The following NDST3 variants were observed in gnomAD, a reference collection of about 807,000 sequenced individuals.
NDST3 encodes N-deacetylase and N-sulfotransferase 3, also known as bifunctional heparan sulfate N-deacetylase/N-sulfotransferase 3.
Under a neutral mutation model 96.1 loss-of-function variants are expected in NDST3, and 58 were observed. The ratio of observed to expected loss-of-function variants is 0.60; its 90% CI spans 0.49 to 0.75. The LOEUF (loss-of-function observed/expected upper bound fraction) is 0.75. Among genes scored for constraint, NDST3 ranks in the 30% least tolerant of loss-of-function variants. The pLI is 0.00. For missense variants in NDST3, 788 were observed against 1,034.2 expected (o/e 0.76, Z 3.27); for synonymous variants, 333 against 359.7 (o/e 0.93, Z 0.84).
chr4:118,197,006 C>T (rs748134866), intron 6 of NDST3, among the ~76,000 whole-genome samples: 3 of 150,662 alleles, frequency 2.0e-5, no homozygotes, highest in Non-Finnish European at 4.4e-5. Context: ...ACTGCTTTTG[C>T]TGTATTCCAT....
chr4:118,202,275 A>C (rs1738141201), intron 6 of NDST3, among the ~76,000 whole-genome samples: 2 of 152,188 alleles, frequency 1.3e-5, no homozygotes, highest in East Asian at 3.9e-4. Context: ...CTCTGGCTTC[A>C]TTCTTTTGCT....
At chr4:118,174,516 T>C (rs190704087) in intron 6 of NDST3, among the ~76,000 whole-genome samples, 4 of 152,254 alleles carry the variant, frequency 2.6e-5, no homozygotes, top group Non-Finnish European at 4.4e-5. Context: ...GTGAACTAAC[T>C]ATCATTGTAC....
At chr4:118,255,499 T>C (rs1474791347) in intron 13 of NDST3, 94 bp from the exon 14 acceptor site, 2 of 1,264,606 alleles carry the variant, frequency 1.6e-6, no homozygotes, top group Non-Finnish European at 2.2e-6. Context: ...TTAATCCAGA[T>C]CTGGTATACT....
At chr4:118,213,965 T>C (rs71608352) in intron 6 of NDST3, among the ~76,000 whole-genome samples, 7,864 of 152,180 alleles carry the variant, frequency 0.052, 290 homozygotes, top group Non-Finnish European at 0.083. Flanking sequence ...ACTGTAGATA[T>C]AATAAAGAGT....
At chr4:118,091,922 G>A (rs915592359) in intron 2 of NDST3, among the ~76,000 whole-genome samples, 2 of 151,198 alleles carry the variant, frequency 1.3e-5, no homozygotes, top group African/African-American at 4.9e-5. Context: ...TACTTATGAT[G>A]ACTTTAAATC....
intron 1 of NDST3, among the ~76,000 whole-genome samples, chr4:118,043,007 T>G (rs1247830059): frequency 6.6e-6 from 1 of 152,234 alleles, no homozygotes; most frequent in African/African-American, 2.4e-5. Context: ...GAGTCCATTA[T>G]CTAGGGGAAA....
chr4:118,189,845 T>C (rs764884934), intron 6 of NDST3, among the ~76,000 whole-genome samples: 3 of 152,172 alleles, frequency 2.0e-5, no homozygotes, highest in Admixed American at 6.5e-5. Context: ...GTATTATCAA[T>C]GCTAAAGCTA....
At chr4:118,094,105 C>G (rs149860105) in intron 2 of NDST3, among the ~76,000 whole-genome samples, 17 of 151,982 alleles carry the variant, frequency 1.1e-4, no homozygotes, top group African/African-American at 3.6e-4. Context: ...TACTACCACA[C>G]TGGCAATTAA....
intron 2 of NDST3, among the ~76,000 whole-genome samples, chr4:118,098,446 A>G (rs1381740719): frequency 6.6e-6 from 1 of 152,006 alleles, no homozygotes; most frequent in East Asian, 1.9e-4. Flanking sequence ...TAGCATATGC[A>G]TAACAATTTC....
intron 8 of NDST3, among the ~76,000 whole-genome samples, chr4:118,230,255 C>T (rs949911805): frequency 3.3e-5 from 5 of 152,230 alleles, no homozygotes; most frequent in Middle Eastern, 3.4e-3. Flanking sequence ...GCCAGAGCAG[C>T]AACATAAGCA....
At chr4:118,190,368 G>C (rs1463329517) in intron 6 of NDST3, among the ~76,000 whole-genome samples, 2 of 152,118 alleles carry the variant, frequency 1.3e-5, no homozygotes, top group Non-Finnish European at 2.9e-5. Context: ...TGTTTAATAA[G>C]TAATATTTCA....
At chr4:118,096,708 T>TAGAC (rs1400292803) in intron 2 of NDST3, among the ~76,000 whole-genome samples, 2,043 of 145,342 alleles carry the variant, frequency 0.014, 34 homozygotes, top group South Asian at 0.023. Flanking sequence ...GATAGATAGA[T>TAGAC]AGACAGTTAG....
At chr4:118,134,143 G>A (rs1732877098) in intron 4 of NDST3, among the ~76,000 whole-genome samples, 1 of 152,178 alleles carries the variant, frequency 6.6e-6, no homozygotes, top group African/African-American at 2.4e-5. Context: ...ATTTGGAGTA[G>A]AAACATTTCA....
intron 6 of NDST3, chr4:118,193,869 T>A: frequency 9.0e-7 from 1 of 1,113,116 alleles, no homozygotes; most frequent in Non-Finnish European, 1.3e-6. Context: ...TTGGAAAAAC[T>A]AGACTCATAT....
intron 12 of NDST3, among the ~76,000 whole-genome samples, chr4:118,250,530 G>A (rs982943281): frequency 2.0e-5 from 3 of 151,340 alleles, no homozygotes; most frequent in Non-Finnish European, 4.4e-5. Context: ...TGTTGCCCAG[G>A]CTGGAGTGCA....
chr4:118,183,010 C>T (rs1387821197), intron 6 of NDST3, among the ~76,000 whole-genome samples: 1 of 152,146 alleles, frequency 6.6e-6, no homozygotes, highest in African/African-American at 2.4e-5. Flanking sequence ...TAAGACTACT[C>T]ATACCAAACA....
intron 6 of NDST3, among the ~76,000 whole-genome samples, chr4:118,170,721 C>T (rs1302599420): frequency 1.3e-5 from 2 of 151,498 alleles, no homozygotes; most frequent in Admixed American, 6.6e-5. Flanking sequence ...AGAGTGAGAC[C>T]CCATCTCAAA....
intron 2 of NDST3, among the ~76,000 whole-genome samples, chr4:118,085,211 A>T (rs1197598492): frequency 6.6e-6 from 1 of 152,174 alleles, no homozygotes; most frequent in Non-Finnish European, 1.5e-5. Flanking sequence ...TAAGTTTTGT[A>T]TCTCCTAAAA....
At chr4:118,099,358 A>G (rs1729592846) in intron 2 of NDST3, among the ~76,000 whole-genome samples, 1 of 152,078 alleles carries the variant, frequency 6.6e-6, no homozygotes. Context: ...ATAATCTCTA[A>G]GACTCCTCAC....
Sources: gnomAD v4.1 joint callset for allele counts (sites outside exome capture counted in the v4.1 genomes callset) on GRCh38, gnomAD v4.1.1 for gene constraint, MANE v1.5 for transcripts, NCBI Gene and HGNC (gene_info 2026-07-23, HGNC 2026-07-21) for gene names.